Variants in SUGP1 observed in about 807,000 individuals in gnomAD.
The protein encoded by SUGP1 is SURP and G-patch domain containing 1.
Under a neutral mutation model 76.5 loss-of-function variants are expected in SUGP1, and 34 were observed. The observed-to-expected ratio is 0.44, with a 90% CI of 0.34 to 0.59. The LOEUF (loss-of-function observed/expected upper bound fraction) is 0.59, where lower values mean the gene tolerates loss of function less well. SUGP1 is among the 20% of genes least tolerant of loss of function. The pLI is 0.01. For missense variants in SUGP1, 752 were observed against 851.7 expected (o/e 0.88, Z 1.46); for synonymous variants, 326 against 326.2 (o/e 1.00, Z 0.01).
At chr19:19,316,980 A>C (rs1304264867) in intron 1 of SUGP1, among the ~76,000 whole-genome samples, 1 of 152,122 alleles carries the variant, frequency 6.6e-6, no homozygotes, top group African/African-American at 2.4e-5. Context: ...TCTACTAAAA[A>C]TACAAAAATT....
In SUGP1 at chr19:19,277,150, C is replaced by G. The variant is rs553780679; in HGVS notation, c.1782-74G>C. 82 of 1,528,708 alleles carry G rather than the reference C, an allele frequency of 5.4e-5. No homozygotes were observed. In the South Asian group the frequency reaches 8.8e-4, roughly 16 times the overall value. The allele number at this position is 1,528,708 out of a possible 1,614,324, so 94.7% of individuals were successfully genotyped here. ...CCGGGGGGCCGGGCACAGCTGGGCT[C>G]TCAACAGCACCTCCCGCGGGTGCAG... On this transcript the variant is annotated intron_variant, in intron 12 of 13. Coordinates refer to ENST00000247001, the MANE Select transcript of SUGP1 (RefSeq NM_172231.4).
intron 9 of SUGP1, 105 bp from the exon 10 acceptor site, chr19:19,279,495 G>A: frequency 3.1e-6 from 4 of 1,294,808 alleles, no homozygotes; most frequent in Non-Finnish European, 4.2e-6. Flanking sequence ...CCGGAACGTG[G>A]CTCATCTGGA....
intron 8 of SUGP1, among the ~76,000 whole-genome samples, chr19:19,286,466 A>C (rs572902267): frequency 9.2e-5 from 14 of 152,360 alleles, no homozygotes; most frequent in African/African-American, 3.4e-4. Flanking sequence ...AACTGTCTTC[A>C]GATGTGCATG....
intron 12 of SUGP1, among the ~76,000 whole-genome samples, 183 bp from the exon 13 acceptor site, chr19:19,277,259 G>GA (rs961283815): frequency 3.3e-5 from 5 of 150,164 alleles, no homozygotes; most frequent in African/African-American, 9.8e-5. Flanking sequence ...GGCGGGGGGG[G>GA]GGGGCCTAGG....
chr19:19,286,775 G>A (rs974790740), intron 8 of SUGP1, among the ~76,000 whole-genome samples: 8 of 152,066 alleles, frequency 5.3e-5, no homozygotes, highest in South Asian at 4.2e-4. Flanking sequence ...CAGGCGCAGC[G>A]GGTCATGCCT....
chr19:19,289,120 C>T (rs1351726690), intron 8 of SUGP1, among the ~76,000 whole-genome samples: 1 of 151,978 alleles, frequency 6.6e-6, no homozygotes, highest in Non-Finnish European at 1.5e-5. Context: ...GCTTGGTGTC[C>T]CAACCCCCAT....
At chr19:19,276,784 G>A (rs1304260445) in intron 13 of SUGP1, 110 bp from the exon 14 acceptor site, 3 of 1,566,788 alleles carry the variant, frequency 1.9e-6, no homozygotes, top group African/African-American at 1.3e-5. Context: ...TGAGGTGGCA[G>A]GGCAGGCTTG....
chr19:19,298,559 T>C (rs938969421), intron 7 of SUGP1, among the ~76,000 whole-genome samples: 1 of 152,106 alleles, frequency 6.6e-6, no homozygotes, highest in South Asian at 2.1e-4. Context: ...TAGGTGAGCC[T>C]GTGTGTCTAC....
intron 8 of SUGP1, among the ~76,000 whole-genome samples, chr19:19,288,585 T>G (rs1026734400): frequency 5.3e-5 from 8 of 151,918 alleles, no homozygotes; most frequent in Admixed American, 4.6e-4. Context: ...TGAAACCCTG[T>G]CTCTACAAAA....
At chr19:19,307,280 C>T (rs1372287178) in intron 3 of SUGP1, among the ~76,000 whole-genome samples, 1 of 152,040 alleles carries the variant, frequency 6.6e-6, no homozygotes, top group Non-Finnish European at 1.5e-5. Flanking sequence ...GTCTCACACT[C>T]TTAGATTCAA....
intron 7 of SUGP1, 79 bp downstream of exon 7, chr19:19,302,186 C>T (rs575525297): frequency 3.2e-5 from 50 of 1,580,356 alleles, no homozygotes; most frequent in Non-Finnish European, 3.9e-5. Flanking sequence ...GGTGGCTGGA[C>T]TATGCTGATC....
intron 12 of SUGP1, among the ~76,000 whole-genome samples, 181 bp from the exon 13 acceptor site, chr19:19,277,257 G>T (rs904074299): frequency 2.0e-5 from 3 of 150,334 alleles, no homozygotes; most frequent in African/African-American, 4.9e-5. Context: ...CGGGCGGGGG[G>T]GGGGGGCCTA....
At chr19:19,305,251 G>A (rs2061307604) in intron 4 of SUGP1, among the ~76,000 whole-genome samples, 1 of 152,196 alleles carries the variant, frequency 6.6e-6, no homozygotes, top group African/African-American at 2.4e-5. Flanking sequence ...CAGTTCAGGT[G>A]TCACAGGGAC....
At chr19:19,317,197 G>C (rs948864709) in intron 1 of SUGP1, among the ~76,000 whole-genome samples, 1 of 151,818 alleles carries the variant, frequency 6.6e-6, no homozygotes, top group African/African-American at 2.4e-5. Context: ...ACCAAAAAAG[G>C]GTGAAAAAGT....
chr19:19,292,226 T>C (rs7247645), intron 8 of SUGP1, among the ~76,000 whole-genome samples: 4,694 of 148,138 alleles, frequency 0.032, 255 homozygotes, highest in African/African-American at 0.11. Flanking sequence ...GGAGCCGAGA[T>C]TGCACGACTG....
At chr19:19,281,132 A>C (rs1178072460) in intron 8 of SUGP1, 1 of 152,338 alleles carries the variant, frequency 6.6e-6, no homozygotes, top group Non-Finnish European at 1.5e-5. Context: ...CCGAAGTCTG[A>C]GCATCTGGTT....
chr19:19,302,255 C>A lies in SUGP1; in HGVS notation c.887+10G>T, dbSNP rs779928463. The A allele has an allele frequency of 2.5e-6, 4 of 1,613,754 alleles. No individual in the cohort carries two copies. Among genetic ancestry groups the A allele is most frequent in the South Asian group, 2.2e-5 (2 of 91,044 alleles). On this transcript the variant is annotated intron_variant, in intron 7 of 13. Transcript: ENST00000247001. ...GGTGACGGTCACCTCCCTGGCAGGG[C>A]CCCCCTTACCTGAATGCCTGGTTCT...
At chr19:19,309,410 G>A (rs1007117179) in intron 3 of SUGP1, among the ~76,000 whole-genome samples, 5 of 152,006 alleles carry the variant, frequency 3.3e-5, no homozygotes, top group South Asian at 2.1e-4. Flanking sequence ...CTTGAGCCCC[G>A]GAGGTTGAGG....
intron 8 of SUGP1, among the ~76,000 whole-genome samples, chr19:19,287,540 C>A (rs1256341939): frequency 1.3e-5 from 2 of 152,086 alleles, no homozygotes; most frequent in African/African-American, 4.8e-5. Context: ...CTAGCCTGGG[C>A]AACACACAAA....
Sources: gnomAD v4.1 joint callset for allele counts (sites outside exome capture counted in the v4.1 genomes callset) on GRCh38, gnomAD v4.1.1 for gene constraint, MANE v1.5 for transcripts, NCBI Gene and HGNC (gene_info 2026-07-23, HGNC 2026-07-21) for gene names.